Variants in HACE1 observed in about 807,000 individuals in gnomAD.
HACE1 encodes HECT domain and ankyrin repeat containing E3 ubiquitin protein ligase 1.
HACE1 carries 73 observed loss-of-function variants against 118.4 expected under a neutral mutation model. The observed-to-expected ratio is 0.62, with a 90% CI of 0.51 to 0.75. The LOEUF (loss-of-function observed/expected upper bound fraction) is 0.75, where lower values mean the gene tolerates loss of function less well. Ranked by LOEUF, HACE1 falls within the 30% of genes least tolerant of loss-of-function variation. The pLI, the probability that HACE1 is intolerant of heterozygous loss-of-function variation, is 0.00. For missense variants in HACE1, 749 were observed against 1,102.2 expected, an observed-to-expected ratio of 0.68 and a Z score of 4.54; for synonymous variants, 368 against 374.8, an observed-to-expected ratio of 0.98 and a Z score of 0.21.
At chr6:104,746,366 A>G (rs191589314) in intron 20 of HACE1, among the ~76,000 whole-genome samples, 6 of 152,244 alleles carry the variant, frequency 3.9e-5, no homozygotes, top group Admixed American at 3.9e-4. Flanking sequence ...ACCACCCCCA[A>G]ATACATTCTC....
intron 6 of HACE1, among the ~76,000 whole-genome samples, chr6:104,812,594 C>A (rs1185940954): frequency 6.6e-6 from 1 of 151,866 alleles, no homozygotes; most frequent in Non-Finnish European, 1.5e-5. Flanking sequence ...AAGAAAACAA[C>A]AGCATACTGG....
intron 10 of HACE1, among the ~76,000 whole-genome samples, chr6:104,794,943 T>A (rs1422247419): frequency 2.0e-5 from 3 of 151,864 alleles, no homozygotes; most frequent in African/African-American, 7.3e-5. Flanking sequence ...TGTGTGTGTA[T>A]ACATATATAC....
At chr6:104,798,751 G>A (rs1769973716) in intron 7 of HACE1, among the ~76,000 whole-genome samples, 1 of 152,132 alleles carries the variant, frequency 6.6e-6, no homozygotes, top group Admixed American at 6.5e-5. Context: ...AAAAATAGAG[G>A]CCAAGTGAAA....
chr6:104,782,944 T>C (rs1781899282), intron 14 of HACE1, among the ~76,000 whole-genome samples: 1 of 152,208 alleles, frequency 6.6e-6, no homozygotes, highest in African/African-American at 2.4e-5. Flanking sequence ...TTGCCAGAAT[T>C]ATGCCATTCT....
chr6:104,745,185 C>CA (rs891521819), intron 20 of HACE1, among the ~76,000 whole-genome samples: 11 of 151,380 alleles, frequency 7.3e-5, no homozygotes, highest in African/African-American at 2.2e-4. Context: ...TCTCCAAAGT[C>CA]AAAAAAAATG....
chr6:104,828,881 T>C (rs539773239), intron 6 of HACE1, among the ~76,000 whole-genome samples: 11 of 152,168 alleles, frequency 7.2e-5, no homozygotes, highest in South Asian at 6.2e-4. Context: ...CATTTAGCTA[T>C]ATATTCTACA....
chr6:104,852,420 G>A lies in HACE1; in HGVS notation c.77-49C>T, dbSNP rs751712682. On this transcript the variant is annotated intron_variant, in intron 1 of 23. Coordinates refer to ENST00000262903, the MANE Select transcript of HACE1 (RefSeq NM_020771.4). The stretch of plus-strand genomic sequence containing the variant: ...TCATTTATCCCCTACTTTGTGCAAG[G>A]GGTGATACTTAAGATTAGTTTAGAA... 26 of 1,098,502 alleles carry A rather than the reference G, an allele frequency of 2.4e-5. No homozygotes were observed. The South Asian group carries it at 3.1e-4, about 13-fold the overall frequency. 68.0% of individuals were successfully genotyped at this position (1,098,502 alleles called of 1,614,324 possible).
intron 6 of HACE1, among the ~76,000 whole-genome samples, chr6:104,820,311 CAATTGGAACAAGAGTAAA>C (rs1333673809): frequency 6.6e-6 from 1 of 151,208 alleles, no homozygotes; most frequent in Non-Finnish European, 1.5e-5. Context: ...ATGCTAAAAG[CAATTGGAACAAGAGTAAA>C]AATTGGAAGT....
At chr6:104,791,712 T>G in intron 10 of HACE1, 58 bp from the exon 11 acceptor site, 5 of 1,147,026 alleles carry the variant, frequency 4.4e-6, no homozygotes, top group Non-Finnish European at 5.2e-6. Flanking sequence ...ATTAAAATAC[T>G]TATTTTAAAA....
At chr6:104,805,247 A>G (rs1170341377) in intron 7 of HACE1, among the ~76,000 whole-genome samples, 1 of 152,186 alleles carries the variant, frequency 6.6e-6, no homozygotes, top group Non-Finnish European at 1.5e-5. Context: ...ATGCTTTTAC[A>G]CTGTTGGTGG....
rs1164729004 is a variant in HACE1 at position 104,728,914 on chromosome 6, A to C, written c.*748T>G. 6.6e-6 allele frequency: 1 copy of C among 152,620 alleles called. No homozygotes were observed. The highest frequency in any genetic ancestry group is 1.5e-5 in the Non-Finnish European group (1 of 68,010). 9.5% of individuals were successfully genotyped at this position (152,620 alleles called of 1,614,324 possible). A position where few individuals can be genotyped will look rare whatever the true frequency, so the allele number is the denominator to read the frequency against. ...GAGCTCACAGATAAAAGTAATGAAA[A>C]GAAACGTGGTAAAATACATTTTAAT... On this transcript the variant is annotated 3_prime_UTR_variant, in exon 24 of 24. Transcript: ENST00000262903.
At chr6:104,742,754 C>T (rs977642871) in intron 22 of HACE1, among the ~76,000 whole-genome samples, 8 of 151,856 alleles carry the variant, frequency 5.3e-5, no homozygotes, top group African/African-American at 1.7e-4. Flanking sequence ...GTCAGTGTGG[C>T]GATTCCTCAG....
chr6:104,764,093 G>A (rs1779706792), intron 19 of HACE1, among the ~76,000 whole-genome samples: 1 of 151,904 alleles, frequency 6.6e-6, no homozygotes, highest in South Asian at 2.1e-4. Flanking sequence ...TATTTTTTGT[G>A]AGACAGAGTC....
intron 19 of HACE1, among the ~76,000 whole-genome samples, chr6:104,754,111 T>C (rs1264618800): frequency 6.6e-6 from 1 of 151,830 alleles, no homozygotes; most frequent in East Asian, 1.9e-4. Context: ...CACAATGCAA[T>C]CACAAGTATC....
At chr6:104,826,160 A>G (rs886490004) in intron 6 of HACE1, among the ~76,000 whole-genome samples, 2 of 152,200 alleles carry the variant, frequency 1.3e-5, no homozygotes, top group Non-Finnish European at 2.9e-5. Context: ...GTTTCATCCC[A>G]AAACCATCCC....
chr6:104,818,205 C>T (rs1772312964), intron 6 of HACE1, among the ~76,000 whole-genome samples: 1 of 152,022 alleles, frequency 6.6e-6, no homozygotes, highest in Non-Finnish European at 1.5e-5. Context: ...AACAAGTAGT[C>T]AACTATAGCT....
chr6:104,795,371 G>C (rs1248168602), intron 10 of HACE1, among the ~76,000 whole-genome samples: 1 of 152,098 alleles, frequency 6.6e-6, no homozygotes, highest in Non-Finnish European at 1.5e-5. Context: ...ACTGAAGTAT[G>C]CTCTATTTTT....
intron 4 of HACE1, 150 bp downstream of exon 4, chr6:104,848,991 CA>C (rs146300146): frequency 2.1e-4 from 131 of 627,310 alleles, no homozygotes; most frequent in Middle Eastern, 2.7e-4. Flanking sequence ...CTTTGAGAGA[CA>C]AAAAAAATAT....
intron 14 of HACE1, among the ~76,000 whole-genome samples, chr6:104,783,830 T>C (rs1166524807): frequency 6.6e-6 from 1 of 152,266 alleles, no homozygotes; most frequent in Non-Finnish European, 1.5e-5. Flanking sequence ...ATCAGCCTTA[T>C]AGAACTAAAG....
Sources: gnomAD v4.1 joint callset for allele counts (sites outside exome capture counted in the v4.1 genomes callset) on GRCh38, gnomAD v4.1.1 for gene constraint, MANE v1.5 for transcripts, NCBI Gene and HGNC (gene_info 2026-07-23, HGNC 2026-07-21) for gene names.